The following SLC75A1 variants were observed in gnomAD, a reference collection of about 807,000 sequenced individuals.
The protein encoded by SLC75A1 is major facilitator superfamily domain containing 10.
At chr4:2,932,011 G>A in the SLC75A1 span, 5 of 1,606,564 alleles carry the variant, frequency 3.1e-6, no homozygotes, top group Non-Finnish European at 4.2e-6. Flanking sequence ...CCAGGGGAGA[G>A]CAGGCTCCAC....
At chr4:2,932,465 C>G in the SLC75A1 span, 11 of 1,613,614 alleles carry the variant, frequency 6.8e-6, no homozygotes, top group Non-Finnish European at 6.8e-6. Flanking sequence ...AGGCTCCGAG[C>G]ATAGGGCCCA....
the SLC75A1 span, chr4:2,932,988 G>A: frequency 2.7e-6 from 3 of 1,097,082 alleles, no homozygotes; most frequent in Non-Finnish European, 3.9e-6. Context: ...GATGCGATGA[G>A]GGCCAACCAG....
chr4:2,932,511 G>A, the SLC75A1 span: 18 of 1,613,542 alleles, frequency 1.1e-5, no homozygotes, highest in South Asian at 2.2e-5. Flanking sequence ...CCCAATGACC[G>A]CCTAGGGAAA....
At chr4:2,933,682 C>CG in the SLC75A1 span, 1 of 1,612,956 alleles carries the variant, frequency 6.2e-7, no homozygotes, top group Non-Finnish European at 8.5e-7. Context: ...TGAGGAATCA[C>CG]GATAAGGGCT....
the SLC75A1 span, chr4:2,931,896 G>A: frequency 1.2e-6 from 2 of 1,611,540 alleles, no homozygotes; most frequent in East Asian, 2.2e-5. Context: ...GGAAGAGGTA[G>A]AGGAAGTAGA....
the SLC75A1 span, chr4:2,933,913 C>T: frequency 1.3e-6 from 2 of 1,565,044 alleles, no homozygotes; most frequent in Non-Finnish European, 1.7e-6. Flanking sequence ...TCCACCCCCT[C>T]CCCATCCCAT....
At chr4:2,933,834 G>A in the SLC75A1 span, 5 of 1,590,764 alleles carry the variant, frequency 3.1e-6, no homozygotes, top group East Asian at 4.6e-5. Context: ...GCAGGAGGCC[G>A]AGAAAGACAA....
chr4:2,932,128 C>G, the SLC75A1 span: 2 of 1,609,242 alleles, frequency 1.2e-6, no homozygotes, highest in African/African-American at 2.7e-5. Flanking sequence ...AGCCGCATCA[C>G]GGAACCCCAG....
At chr4:2,932,414 G>C in the SLC75A1 span, 24 of 1,613,598 alleles carry the variant, frequency 1.5e-5, no homozygotes, top group Non-Finnish European at 2.0e-5. Context: ...CGGAGGCTGC[G>C]AAGAGCAGGG....
the SLC75A1 span, chr4:2,932,803 C>G: frequency 6.5e-7 from 1 of 1,527,522 alleles, no homozygotes; most frequent in South Asian, 1.3e-5. Context: ...TCGCTTAAGG[C>G]CAGGAGTGGC....
At chr4:2,932,925 TG>T in the SLC75A1 span, 1 of 1,075,724 alleles carries the variant, frequency 9.3e-7, no homozygotes, top group Non-Finnish European at 1.3e-6. Context: ...AGCAGCTCCT[TG>T]AAAGCCTGGC....
At chr4:2,931,209 C>T in the SLC75A1 span, 11,939 of 1,561,072 alleles carry the variant, frequency 7.6e-3, 80 homozygotes, top group Middle Eastern at 0.042. Context: ...TGGCTTCGGC[C>T]GAGGGAAGGG....
the SLC75A1 span, chr4:2,934,460 G>A: frequency 9.8e-6 from 1 of 102,106 alleles, no homozygotes; most frequent in Non-Finnish European, 2.0e-5. Context: ...CGTGCGTCCC[G>A]GTCCCGCCCC....
chr4:2,931,671 CG>C, the SLC75A1 span: 1 of 1,609,764 alleles, frequency 6.2e-7, no homozygotes, highest in East Asian at 2.2e-5. Context: ...AGGCTGGGAG[CG>C]GGTGTGTTAG....
At chr4:2,930,941 G>A in the SLC75A1 span, 1 of 1,612,732 alleles carries the variant, frequency 6.2e-7, no homozygotes, top group Non-Finnish European at 8.5e-7. Context: ...CTGGGCCCCG[G>A]CCAGCCAGTA....
At chr4:2,932,967 A>ACCCCCT in the SLC75A1 span, 2 of 1,023,632 alleles carry the variant, frequency 2.0e-6, no homozygotes, top group Admixed American at 5.7e-5. Context: ...TCCCCCGAGA[A>ACCCCCT]CCCCCTCCAG....
the SLC75A1 span, chr4:2,933,653 T>A: frequency 5.6e-6 from 9 of 1,613,256 alleles, no homozygotes; most frequent in Non-Finnish European, 7.6e-6. Flanking sequence ...CCAGGAGCCA[T>A]AGAGGGGGTC....
chr4:2,932,963 G>A, the SLC75A1 span: 1,041 of 1,026,532 alleles, frequency 1.0e-3, 8 homozygotes, highest in African/African-American at 7.7e-4. Context: ...CTGGTCCCCC[G>A]AGAACCCCCT....
At chr4:2,931,598 G>C in the SLC75A1 span, 1 of 1,613,506 alleles carries the variant, frequency 6.2e-7, no homozygotes. Context: ...GATCCGCCGG[G>C]CATAGGCACC....
Sources: allele counts gnomAD v4.1 joint callset, GRCh38; gene constraint gnomAD v4.1.1; transcripts MANE v1.5; gene names NCBI Gene and HGNC (gene_info 2026-07-23, HGNC 2026-07-21).